NTRK2: variants seen among roughly 807,000 people sequenced by gnomAD.
NTRK2 encodes BDNF/NT-3 growth factors receptor.
Under a neutral mutation model 94.5 loss-of-function variants are expected in NTRK2, and 13 were observed. That is an observed-to-expected ratio of 0.14 (90% CI 0.09 to 0.22). The LOEUF (loss-of-function observed/expected upper bound fraction) is 0.22, where lower values mean the gene tolerates loss of function less well. Among genes scored for constraint, NTRK2 ranks in the 10% least tolerant of loss-of-function variants. NTRK2 has a pLI of 1.00. For synonymous variants in NTRK2, 372 were observed against 407.4 expected (o/e 0.91, Z 1.05); for missense variants, 639 against 1,071.2 (o/e 0.60, Z 5.63).
intron 14 of NTRK2, among the ~76,000 whole-genome samples, chr9:84,931,169 G>C (rs1470609385): frequency 6.6e-6 from 1 of 152,188 alleles, no homozygotes; most frequent in Non-Finnish European, 1.5e-5. Flanking sequence ...CACTTTGGGA[G>C]GCCAAGGTGG....
chr9:84,707,724 A>G, intron 4 of NTRK2, 120 bp from the exon 5 acceptor site: 1 of 759,508 alleles, frequency 1.3e-6, no homozygotes, highest in Non-Finnish European at 2.2e-6. Flanking sequence ...TCTGGATGTA[A>G]GTAAAGCTTA....
At chr9:84,781,678 A>G (rs1404637315) in intron 12 of NTRK2, among the ~76,000 whole-genome samples, 1 of 152,210 alleles carries the variant, frequency 6.6e-6, no homozygotes, top group Non-Finnish European at 1.5e-5. Flanking sequence ...ACAGACAACA[A>G]GAACAAGCAT....
chr9:84,936,956 C>A (rs1395014812), intron 15 of NTRK2, among the ~76,000 whole-genome samples: 5 of 152,064 alleles, frequency 3.3e-5, no homozygotes, highest in African/African-American at 9.7e-5. Flanking sequence ...GATTCAGAGG[C>A]TGCAGCCACG....
At position 84,763,831 on chromosome 9, in the gene NTRK2, T is replaced by C. The variant is rs1021842780; in HGVS notation, c.1396+11746T>C. The stretch of plus-strand genomic sequence containing the variant: ...ATCAATTCAAAGTTCATGCGTTGCA[T>C]TTTTTTTTTTTTATTGAGTTTCTTT... On this transcript the variant is annotated intron_variant, in intron 12 of 18. Coordinates refer to ENST00000277120, the MANE Select transcript of NTRK2 (RefSeq NM_006180.6). Among the ~76,000 whole-genome samples, 9 of 117,396 alleles carry C rather than the reference T, an allele frequency of 7.7e-5. No homozygotes were observed. The South Asian group carries it at 2.1e-3, about 28-fold the overall frequency. 77.0% of individuals were successfully genotyped at this position (117,396 alleles called of 152,430 possible). A position where few individuals can be genotyped will look rare whatever the true frequency, so the allele number is the denominator to read the frequency against.
intron 6 of NTRK2, among the ~76,000 whole-genome samples, chr9:84,718,156 T>G (rs1341037002): frequency 6.6e-6 from 1 of 152,112 alleles, no homozygotes; most frequent in Non-Finnish European, 1.5e-5. Flanking sequence ...TGGGGAAAAT[T>G]TGATGGACAA....
intron 2 of NTRK2, among the ~76,000 whole-genome samples, chr9:84,673,907 G>T (rs1437259403): frequency 3.3e-5 from 5 of 152,176 alleles, no homozygotes; most frequent in Admixed American, 2.6e-4. Context: ...TTTGGAAATG[G>T]TTATACCACA....
intron 9 of NTRK2, among the ~76,000 whole-genome samples, chr9:84,728,598 A>G (rs2062624809): frequency 3.3e-5 from 5 of 152,136 alleles, no homozygotes; most frequent in Admixed American, 3.3e-4. Flanking sequence ...CTAATTCAAA[A>G]AGGAGAATTC....
chr9:84,727,999 G>A, intron 9 of NTRK2, 40 bp downstream of exon 9: 1 of 1,581,726 alleles, frequency 6.3e-7, no homozygotes, highest in East Asian at 2.2e-5. Flanking sequence ...AGAAGATAAA[G>A]TCTATCATTC....
chr9:84,724,141 T>G, intron 7 of NTRK2, 83 bp from the exon 8 acceptor site: 1 of 1,429,208 alleles, frequency 7.0e-7, no homozygotes, highest in East Asian at 2.3e-5. Context: ...ATATTTTCTC[T>G]AGTTAGGGGA....
At chr9:84,885,414 A>G (rs562660976) in intron 14 of NTRK2, among the ~76,000 whole-genome samples, 2 of 152,206 alleles carry the variant, frequency 1.3e-5, no homozygotes, top group Non-Finnish European at 2.9e-5. Flanking sequence ...GCGGGTCTTT[A>G]TATTAAAGAC....
At chr9:84,762,335 C>T (rs1345474739) in intron 12 of NTRK2, among the ~76,000 whole-genome samples, 1 of 152,046 alleles carries the variant, frequency 6.6e-6, no homozygotes, top group African/African-American at 2.4e-5. Context: ...AACATGTGGG[C>T]TGTTTCTTGA....
At chr9:84,855,673 T>G (rs1411485458) in intron 12 of NTRK2, among the ~76,000 whole-genome samples, 1 of 151,470 alleles carries the variant, frequency 6.6e-6, no homozygotes, top group East Asian at 1.9e-4. Context: ...TTCAAACACA[T>G]ATTTTTGTTT....
chr9:84,934,100 C>T (rs2078132213), intron 14 of NTRK2, 62 bp from the exon 15 acceptor site: 17 of 1,602,536 alleles, frequency 1.1e-5, no homozygotes, highest in East Asian at 4.5e-5. Flanking sequence ...ACCAACTCTT[C>T]ACCCGCTGCC....
chr9:84,988,093 C>G (rs962432235), intron 17 of NTRK2, among the ~76,000 whole-genome samples: 1 of 152,196 alleles, frequency 6.6e-6, no homozygotes, highest in African/African-American at 2.4e-5. Flanking sequence ...TGCTAGACAC[C>G]CTTGTGGGTT....
intron 17 of NTRK2, among the ~76,000 whole-genome samples, chr9:85,015,307 A>C (rs1004840389): frequency 1.3e-5 from 2 of 152,104 alleles, no homozygotes; most frequent in African/African-American, 4.8e-5. Context: ...CAACTTAGAG[A>C]GACTTTATAC....
At chr9:84,763,465 T>C (rs1166461733) in intron 12 of NTRK2, among the ~76,000 whole-genome samples, 1 of 152,144 alleles carries the variant, frequency 6.6e-6, no homozygotes, top group Admixed American at 6.6e-5. Context: ...TTGGTTTTTT[T>C]TTTCCCTCCA....
intron 14 of NTRK2, among the ~76,000 whole-genome samples, chr9:84,878,685 AT>A (rs937920141): frequency 1.3e-4 from 19 of 151,974 alleles, no homozygotes; most frequent in Non-Finnish European, 2.8e-4. Context: ...TTTGCATTCA[AT>A]TTTATCAAGA....
At chr9:84,675,217 A>G (rs1222664876) in intron 2 of NTRK2, among the ~76,000 whole-genome samples, 1 of 150,882 alleles carries the variant, frequency 6.6e-6, no homozygotes, top group Non-Finnish European at 1.5e-5. Flanking sequence ...ATTCTGTATG[A>G]TCTCTTTGAC....
intron 12 of NTRK2, among the ~76,000 whole-genome samples, chr9:84,781,671 GACA>G (rs1385807445): frequency 6.6e-6 from 1 of 152,158 alleles, no homozygotes; most frequent in East Asian, 1.9e-4. Context: ...GGGGCCCACA[GACA>G]ACAAGAACAA....
Sources: allele counts gnomAD v4.1 joint callset (sites outside exome capture counted in the v4.1 genomes callset), GRCh38; gene constraint gnomAD v4.1.1; transcripts MANE v1.5; gene names NCBI Gene and HGNC (gene_info 2026-07-23, HGNC 2026-07-21).